The following WWOX variants were observed in gnomAD, a reference collection of about 807,000 sequenced individuals.
WWOX encodes WW domain-containing oxidoreductase.
A neutral mutation model predicts 46.2 loss-of-function variants in WWOX; 69 were observed. That is an observed-to-expected ratio of 1.49 (90% CI 1.23 to 1.82). The LOEUF is 1.82. Ranked by LOEUF, WWOX falls within the 40% of genes most tolerant of loss-of-function variation. The pLI is 0.00. For missense variants in WWOX, 919 were observed against 542.6 expected, an observed-to-expected ratio of 1.69 and a Z score of -6.89; for synonymous variants, 359 against 202.6, an observed-to-expected ratio of 1.77 and a Z score of -6.56.
chr16:78,700,312 CAGAGAGAGAGAG>C (rs55638553), intron 8 of WWOX, among the ~76,000 whole-genome samples: 39,511 of 130,422 alleles, frequency 0.3, 6,125 homozygotes, highest in East Asian at 0.43. Context: ...ACTTAGTAGA[CAGAGAGAGAGAG>C]AGAGAGAGAG....
intron 8 of WWOX, among the ~76,000 whole-genome samples, chr16:79,061,280 C>T (rs2048353403): frequency 3.3e-5 from 5 of 152,136 alleles, no homozygotes; most frequent in Admixed American, 2.6e-4. Flanking sequence ...TGGATTTTTA[C>T]AATTTGTGCT....
intron 8 of WWOX, among the ~76,000 whole-genome samples, chr16:78,611,827 G>T (rs917021445): frequency 6.6e-6 from 1 of 152,216 alleles, no homozygotes; most frequent in African/African-American, 2.4e-5. Context: ...AAGAACAGTG[G>T]TGAGACCAAA....
chr16:78,255,077 T>C (rs1272170928), intron 5 of WWOX, among the ~76,000 whole-genome samples: 1 of 152,240 alleles, frequency 6.6e-6, no homozygotes. Flanking sequence ...TTCATGTTCC[T>C]GGCCTTTATG....
At chr16:78,780,959 T>C (rs1388795192) in intron 8 of WWOX, among the ~76,000 whole-genome samples, 1 of 152,192 alleles carries the variant, frequency 6.6e-6, no homozygotes, top group African/African-American at 2.4e-5. Flanking sequence ...TGACTTGGAC[T>C]GTCACCTTGG....
intron 8 of WWOX, among the ~76,000 whole-genome samples, chr16:79,149,894 G>C (rs2050245534): frequency 6.6e-6 from 1 of 152,142 alleles, no homozygotes; most frequent in Non-Finnish European, 1.5e-5. Context: ...AGAGGGTTCA[G>C]ATCCTTCTAT....
chr16:78,433,777 CTTTTTTTTTTTTTTTT>C (rs547236644), intron 8 of WWOX, among the ~76,000 whole-genome samples: 14 of 84,374 alleles, frequency 1.7e-4, no homozygotes, highest in African/African-American at 4.6e-4. Flanking sequence ...TTGGGGATGA[CTTTTTTTTTTTTTTTT>C]TTTTTTTTTT....
intron 8 of WWOX, among the ~76,000 whole-genome samples, chr16:78,668,019 C>T (rs967067335): frequency 6.6e-6 from 1 of 152,154 alleles, no homozygotes; most frequent in African/African-American, 2.4e-5. Flanking sequence ...TGGCTCACAC[C>T]TGTAATCTTA....
chr16:78,116,493 A>T (rs1245318836), intron 4 of WWOX, among the ~76,000 whole-genome samples: 1 of 152,146 alleles, frequency 6.6e-6, no homozygotes, highest in Non-Finnish European at 1.5e-5. Flanking sequence ...TTTTTTTAAG[A>T]ATTGAAAGGA....
chr16:78,271,792 C>T (rs962146616), intron 5 of WWOX, among the ~76,000 whole-genome samples: 1 of 152,200 alleles, frequency 6.6e-6, no homozygotes, highest in Non-Finnish European at 1.5e-5. Flanking sequence ...ATCGTCCAGC[C>T]TTCTCTACCT....
chr16:78,481,772 C>CGA (rs2084498215), intron 8 of WWOX, among the ~76,000 whole-genome samples: 1 of 127,034 alleles, frequency 7.9e-6, no homozygotes, highest in African/African-American at 2.8e-5. Flanking sequence ...TGTGCGCGCG[C>CGA]CTGCATGTGT....
intron 5 of WWOX, among the ~76,000 whole-genome samples, chr16:78,294,630 A>G (rs918479478): frequency 6.8e-6 from 1 of 146,096 alleles, no homozygotes; most frequent in Non-Finnish European, 1.5e-5. Context: ...CTGTAAAAGG[A>G]TAGTCTAAAT....
In WWOX at chr16:78,501,198, T is replaced by C. The variant is rs1450589878; in HGVS notation, c.1056+68446T>C. 7.5e-5 allele frequency among the ~76,000 whole-genome samples: 11 copies of C among 147,244 alleles called. 1 individual carries two copies. The highest frequency in any genetic ancestry group is 1.4e-4 in the Admixed American group (2 of 14,654). ...CTTTCTCTCTCTTTCTTTCTCTTTT[T>C]TTTTTTTTGAAAAACTTTTTTGGAG... On this transcript the variant is annotated intron_variant, in intron 8 of 8. Transcript: ENST00000566780.
intron 5 of WWOX, among the ~76,000 whole-genome samples, chr16:78,225,241 A>G (rs1206159960): frequency 6.6e-6 from 1 of 152,184 alleles, no homozygotes. Context: ...TTGTAATACA[A>G]TGGGACATAT....
intron 8 of WWOX, among the ~76,000 whole-genome samples, chr16:78,920,688 G>A (rs2045357874): frequency 6.6e-6 from 1 of 152,276 alleles, no homozygotes; most frequent in African/African-American, 2.4e-5. Flanking sequence ...TTCAGAGAAA[G>A]TAAAGAGTGA....
chr16:79,148,084 T>G (rs2050212721), intron 8 of WWOX, among the ~76,000 whole-genome samples: 1 of 152,216 alleles, frequency 6.6e-6, no homozygotes, highest in Non-Finnish European at 1.5e-5. Context: ...TTTAATGAGG[T>G]CCAATTTATC....
intron 8 of WWOX, among the ~76,000 whole-genome samples, chr16:78,680,682 C>T (rs1001699249): frequency 6.6e-6 from 1 of 152,246 alleles, no homozygotes; most frequent in Admixed American, 6.5e-5. Flanking sequence ...AACATCCGGA[C>T]ACATCTAGTG....
At chr16:79,092,596 T>C (rs2048984998) in intron 8 of WWOX, among the ~76,000 whole-genome samples, 1 of 152,182 alleles carries the variant, frequency 6.6e-6, no homozygotes, top group South Asian at 2.1e-4. Flanking sequence ...GTAATTGGTC[T>C]TTAGCCTGAT....
At chr16:78,963,569 A>C (rs1017709243) in intron 8 of WWOX, among the ~76,000 whole-genome samples, 2 of 152,184 alleles carry the variant, frequency 1.3e-5, no homozygotes, top group Admixed American at 1.3e-4. Context: ...TGAATTACTG[A>C]ATTAGAGTTC....
At chr16:78,364,777 C>T (rs1307171426) in intron 5 of WWOX, among the ~76,000 whole-genome samples, 1 of 152,174 alleles carries the variant, frequency 6.6e-6, no homozygotes, top group Non-Finnish European at 1.5e-5. Context: ...TCTGCACTTC[C>T]AGGGAACAGT....
Sources: allele counts gnomAD v4.1 joint callset (sites outside exome capture counted in the v4.1 genomes callset), GRCh38; gene constraint gnomAD v4.1.1; transcripts MANE v1.5; gene names NCBI Gene and HGNC (gene_info 2026-07-23, HGNC 2026-07-21).